PLXNB1: variants seen among roughly 807,000 people sequenced by gnomAD.
PLXNB1 encodes the protein plexin B1, also known as plexin-B1.
PLXNB1 carries 106 observed loss-of-function variants against 209.4 expected under a neutral mutation model. That is an observed-to-expected ratio of 0.51 (90% confidence interval 0.43 to 0.59). The LOEUF is 0.59. Among genes scored for constraint, PLXNB1 ranks in the 20% least tolerant of loss-of-function variants. The pLI is 0.00. For synonymous variants in PLXNB1, 1,167 were observed against 1,183.2 expected (o/e 0.99, Z 0.28); for missense variants, 2,357 against 2,853.2 (o/e 0.83, Z 3.96).
chr3:48,412,696 AAGGGGCAGGGCC>A, intron 25 of PLXNB1, 34 bp downstream of exon 25: 8 of 1,602,618 alleles, frequency 5.0e-6, no homozygotes, highest in Non-Finnish European at 6.8e-6. Context: ...TGCCCTGGAG[AAGGGGCAGGGCC>A]AGGGGCAGGC....
chr3:48,412,130 GTC>G lies in PLXNB1; in HGVS notation c.5100+106_5100+107del, dbSNP rs2037724172. On this transcript the variant is annotated intron_variant, in intron 27 of 37. Transcript: ENST00000296440. ...GGGACTGAGGACAGGCTGAGCAGGA[GTC>G]TCTGCTCTGGCACAAGTGTCCGAGC... is the stretch of plus-strand genomic sequence containing the variant. 6 of 1,458,968 alleles carry G rather than the reference GTC, an allele frequency of 4.1e-6. No homozygotes were observed. The South Asian group carries it at 7.0e-5, about 17-fold the overall frequency. 90.4% of individuals were successfully genotyped at this position (1,458,968 alleles called of 1,614,324 possible). A position where few individuals can be genotyped will look rare whatever the true frequency, so the allele number is the denominator to read the frequency against.
Position 48,422,783 on chromosome 3 carries a change from A to G in PLXNB1, c.1272T>C (p.Ser424=). ...DGHTIAFLGD[S]QGQLHRVYLG... ...GGCTCACCCTGTGCAGCTGCCCTTG[A>G]CTATCACCCAGGAAAGCGATGGTGT... The change falls in exon 4 of 38, where the codon AGT becomes AGC. Residue 424 remains serine (S), a synonymous_variant. Transcript: ENST00000296440. 1.2e-6 allele frequency: 2 copies of G among 1,613,962 alleles called. No homozygotes were observed. The highest frequency in any genetic ancestry group is 1.7e-4 in the Middle Eastern group (1 of 6,056).
At chr3:48,414,165 C>T in intron 21 of PLXNB1, 94 bp from the exon 22 acceptor site, 1 of 1,255,166 alleles carries the variant, frequency 8.0e-7, no homozygotes, top group Non-Finnish European at 1.2e-6. Context: ...CCAGCCGCAG[C>T]AGCAAAGCTG....
In PLXNB1 at chr3:48,405,795, A is replaced by G; in HGVS notation, c.6232T>C (p.Tyr2078His). Residue 2078 changes from tyrosine (Y) to histidine (H), a missense_variant, in exon 37 of 38, where the codon TAC (tyrosine) becomes CAC (histidine). Around this residue, in one of 7 missense-constraint regions of PLXNB1, gnomAD observed 414 missense variants for 520.5 expected, o/e 0.80. Coordinates refer to ENST00000296440, the MANE Select transcript of PLXNB1 (RefSeq NM_001130082.3). The surrounding 1 kb of genome is among the most constrained non-coding windows in gnomAD (Gnocchi z 5.0). Reference protein sequence around the residue: ...NSVLAELSWNYSGDLGARVAL... With the variant: ...NSVLAELSWNHSGDLGARVAL... Reference sequence around the variant, plus strand: ...ACTCGCGCCCCGAGGTCTCCGGAGTAGTTCTAGGGAAGAGGCCAAATGAAA... The same window carrying G: ...ACTCGCGCCCCGAGGTCTCCGGAGTGGTTCTAGGGAAGAGGCCAAATGAAA... The G allele has an allele frequency of 6.2e-7, 1 of 1,613,120 alleles. No individual in the cohort carries two copies. Among genetic ancestry groups the G allele is most frequent in the Non-Finnish European group, 8.5e-7 (1 of 1,179,446 alleles).
intron 34 of PLXNB1, 87 bp from the exon 35 acceptor site, chr3:48,407,178 T>A: frequency 1.6e-6 from 2 of 1,235,348 alleles, no homozygotes; most frequent in South Asian, 1.2e-5. Context: ...GGTTTCCCAG[T>A]ACTGCTTCAG....
Position 48,410,886 on chromosome 3 carries a change from G to C in PLXNB1, c.5398C>G (p.Pro1800Ala). ...KGVPLTQRPD[P>A]RTLDVEWRSG... ...CCCTCACCAACATCAAGGGTGCGAG[G>C]GTCTGGCCGCTGGGTGAGAGGCACT... The change falls in exon 29 of 38, where the codon CCT becomes GCT. Residue 1800 changes from proline (P) to alanine (A), a missense_variant. Physicochemically the swap from Pro to Ala is conservative, Grantham distance 27. Around this residue, in one of 7 missense-constraint regions of PLXNB1, gnomAD observed 414 missense variants for 520.5 expected, o/e 0.80. Transcript: ENST00000296440. The surrounding 1 kb of genome is among the most constrained non-coding windows in gnomAD (Gnocchi z 6.4). 1.9e-6 allele frequency: 3 copies of C among 1,612,222 alleles called. No individual in the cohort carries two copies. Among genetic ancestry groups the C allele is most frequent in the Non-Finnish European group, 2.5e-6 (3 of 1,179,280 alleles).
In PLXNB1 at chr3:48,409,857, A is replaced by G; in HGVS notation, c.5778+48T>C. 6.3e-7 allele frequency: 1 copy of G among 1,585,292 alleles called. No homozygotes were observed. Among genetic ancestry groups the G allele is most frequent in the South Asian group, 1.1e-5 (1 of 88,548 alleles). ...CCACCCCCAAATCCCACGAGTGGCC[A>G]TGCTCCCTCTCAGCCCAGGCCCCAC... On this transcript the variant is annotated intron_variant, in intron 32 of 37. Coordinates refer to ENST00000296440, the MANE Select transcript of PLXNB1 (RefSeq NM_001130082.3). The surrounding 1 kb of genome is among the most constrained non-coding windows in gnomAD (Gnocchi z 5.8).
Position 48,422,919 on chromosome 3 carries a change from G to T in PLXNB1, c.1136C>A (p.Ser379Ter). The change falls in exon 4 of 38, where the codon TCA (serine) becomes TAA (stop). Residue 379 changes from serine (S) to a stop codon, truncating the protein, a stop_gained. Transcript: ENST00000296440. LOFTEE classifies it high-confidence loss of function. ...GGCCATGGGGCTGGGCGTGTGGTCTGAGCCACAGGGATAAGCATCCAGGGT... is the reference window on the plus strand; with the variant it reads ...GGCCATGGGGCTGGGCGTGTGGTCTTAGCCACAGGGATAAGCATCCAGGGT... The part of the protein sequence containing the change: ...VDTLDAYPCG[S>*]DHTPSPMASR... 1 of 1,613,976 alleles carries T rather than the reference G, an allele frequency of 6.2e-7. No homozygotes were observed. Among genetic ancestry groups the T allele is most frequent in the Non-Finnish European group, 8.5e-7 (1 of 1,179,928 alleles).
Position 48,424,447 on chromosome 3 carries a change from C to T in PLXNB1, c.165G>A (p.Leu55=). 2.5e-6 allele frequency: 4 copies of T among 1,589,554 alleles called. No homozygotes were observed. The highest frequency in any genetic ancestry group is 3.4e-6 in the Non-Finnish European group (4 of 1,167,784). The change falls in exon 3 of 38, where the codon CTG becomes CTA. Residue 55 remains leucine (L), a synonymous_variant. Transcript: ENST00000296440. ...GCTGCAGCCCAGGGCTCAGCTGGAA[C>T]AGGAAGTTGGTAGCCCCCAGGTAGA... ...GTLYLGATNF[L]FQLSPGLQLE...
chr3:48,417,916 G>A lies in PLXNB1; in HGVS notation c.3369C>T (p.Ser1123=). 2 of 1,608,838 alleles carry A rather than the reference G, an allele frequency of 1.2e-6. No homozygotes were observed. Among genetic ancestry groups the A allele is most frequent in the Non-Finnish European group, 8.5e-7 (1 of 1,176,806 alleles). The change falls in exon 16 of 38, where the codon TCC becomes TCT. Residue 1123 remains serine, a synonymous_variant. Transcript: ENST00000296440. The surrounding 1 kb of genome is among the most constrained non-coding windows in gnomAD (Gnocchi z 4.4). ...GCTGGGTGCAGCCAGCTTACCTGCTGGAGACCTCGTACTCCTGGGCATCCA... is the reference window on the plus strand; with the variant it reads ...GCTGGGTGCAGCCAGCTTACCTGCTAGAGACCTCGTACTCCTGGGCATCCA... ...CAVDAQEYEV[S]SSLVCITGAS...
chr3:48,416,055 A>G lies in PLXNB1; in HGVS notation c.3593T>C (p.Val1198Ala). Residue 1198 changes from valine to alanine, a missense_variant, in exon 18 of 38, where the codon GTG becomes GCG. Coordinates refer to ENST00000296440, the MANE Select transcript of PLXNB1 (RefSeq NM_001130082.3). This position sits in a 1 kb window ranked among gnomAD's most constrained non-coding sequence, Gnocchi z 4.1. ...LTGRLEDIRV[V>A]VGDQPCHLLP... ...CAAGTGACAAGGCTGGTCTCCAACC[A>G]CCACTCGGATGTCCTCCAGCCGCCC... 6.2e-7 allele frequency: 1 copy of G among 1,602,402 alleles called. No individual in the cohort carries two copies. Among genetic ancestry groups the G allele is most frequent in the South Asian group, 1.1e-5 (1 of 88,962 alleles).
Position 48,423,798 on chromosome 3 carries a change from G to T in PLXNB1, c.814C>A (p.Arg272Ser), listed in dbSNP as rs763842933. 6.2e-7 allele frequency: 1 copy of T among 1,613,810 alleles called. No homozygotes were observed. The highest frequency in any genetic ancestry group is 8.5e-7 in the Non-Finnish European group (1 of 1,180,008). Residue 272 changes from arginine (R) to serine (S), a missense_variant, in exon 3 of 38, where the codon CGC becomes AGC. Transcript: ENST00000296440. ...VELPLACEGG[R>S]YGLIQAAAVA... is the part of the protein sequence containing the mutation. Reference sequence around the variant, plus strand: ...GCTGCAGCCTGGATCAGCCCGTAGCGGCCACCTTCGCAGGCCAGAGGCAAC... The same window carrying T: ...GCTGCAGCCTGGATCAGCCCGTAGCTGCCACCTTCGCAGGCCAGAGGCAAC...
chr3:48,420,513 G>A (rs1010153722), intron 10 of PLXNB1, 152 bp downstream of exon 10: 5 of 678,826 alleles, frequency 7.4e-6, no homozygotes, highest in African/African-American at 3.6e-5. Flanking sequence ...GGGATGTATC[G>A]GCGGCTGTTC....
At chr3:48,422,007 G>C in intron 6 of PLXNB1, 98 bp downstream of exon 6, 1 of 1,306,076 alleles carries the variant, frequency 7.7e-7, no homozygotes, top group Non-Finnish European at 1.1e-6. Flanking sequence ...ATCAGGGGTT[G>C]AGAGTCATGG....
At chr3:48,422,707 C>T in intron 4 of PLXNB1, 58 bp downstream of exon 4, 1 of 1,556,560 alleles carries the variant, frequency 6.4e-7, no homozygotes, top group African/African-American at 1.4e-5. Context: ...GGCTGGGTCC[C>T]TAGCAATCTG....
chr3:48,410,965 G>A lies in PLXNB1; in HGVS notation c.5319C>T (p.Asp1773=). ...EAQGVPVKVL[D]CDTISQAKEK... ...CCTTTGCCTGGGAGATGGTGTCACA[G>A]TCTAGGACCTTCACGGGCACGCCCT... is the stretch of plus-strand genomic sequence containing the variant. The change falls in exon 29 of 38, where the codon GAC becomes GAT. Residue 1773 remains aspartate (D), a synonymous_variant. Transcript: ENST00000296440. This position sits in a 1 kb window ranked among gnomAD's most constrained non-coding sequence, Gnocchi z 6.4. The A allele has an allele frequency of 6.2e-7, 1 of 1,613,942 alleles. No individual in the cohort carries two copies. The highest frequency in any genetic ancestry group is 8.5e-7 in the Non-Finnish European group (1 of 1,179,964).
chr3:48,408,183 G>C (rs1366468426), intron 34 of PLXNB1, among the ~76,000 whole-genome samples: 9 of 151,936 alleles, frequency 5.9e-5, no homozygotes, highest in Admixed American at 5.9e-4. Context: ...GCTAATTTTT[G>C]TATTTTTTGT....
Position 48,419,370 on chromosome 3 carries a change from C to A in PLXNB1, c.2710-4G>T. Reference sequence around the variant, plus strand: ...TTGCCCCCAAGGTCGCCTCTTCCTGCAGGCACCAAGGGCAAGGCAGTCTAT... The same window carrying A: ...TTGCCCCCAAGGTCGCCTCTTCCTGAAGGCACCAAGGGCAAGGCAGTCTAT... On this transcript the variant is annotated splice_polypyrimidine_tract_variant and splice_region_variant and intron_variant, in intron 11 of 37. Transcript: ENST00000296440. This position sits in a 1 kb window ranked among gnomAD's most constrained non-coding sequence, Gnocchi z 5.7. 6.4e-7 allele frequency: 1 copy of A among 1,555,178 alleles called. No individual in the cohort carries two copies. Among genetic ancestry groups the A allele is most frequent in the Middle Eastern group, 1.9e-4 (1 of 5,202 alleles).
intron 1 of PLXNB1, among the ~76,000 whole-genome samples, chr3:48,428,428 C>A (rs1263337522): frequency 1.3e-5 from 2 of 152,180 alleles, no homozygotes; most frequent in African/African-American, 4.8e-5. Context: ...CCACCCTACT[C>A]TGAACCTTTT....
Sources: allele counts gnomAD v4.1 joint callset (sites outside exome capture counted in the v4.1 genomes callset), GRCh38; gene constraint gnomAD v4.1.1; regional missense constraint gnomAD v4.1.1; non-coding constraint Gnocchi (gnomAD v3.1); transcripts MANE v1.5; gene names NCBI Gene and HGNC (gene_info 2026-07-23, HGNC 2026-07-21).